NXPE2: variants seen among roughly 807,000 people sequenced by gnomAD.
The protein encoded by NXPE2 is neurexophilin and PC-esterase domain family member 2, also known as NXPE family member 2.
Under a neutral mutation model 34.4 loss-of-function variants are expected in NXPE2, and 34 were observed. The ratio of observed to expected loss-of-function variants is 0.99; its 90% CI spans 0.75 to 1.31. The LOEUF (loss-of-function observed/expected upper bound fraction) is 1.31. Among genes scored for constraint, NXPE2 ranks in the 40% most tolerant of loss-of-function variants. NXPE2 has a pLI of 0.00. For missense variants in NXPE2, 649 were observed against 672.5 expected (o/e 0.97, Z 0.39); for synonymous variants, 235 against 231.3 (o/e 1.02, Z -0.15).
the NXPE2 span, among the ~76,000 whole-genome samples, chr11:114,742,281 G>A: frequency 2.8e-4 from 42 of 152,180 alleles, 1 homozygote; most frequent in East Asian, 7.7e-3. Context: ...GTTGTTCTGC[G>A]GATAAAGCCT....
At chr11:114,651,041 T>C in the NXPE2 span, among the ~76,000 whole-genome samples, 4 of 151,952 alleles carry the variant, frequency 2.6e-5, no homozygotes, top group African/African-American at 9.7e-5. Flanking sequence ...TGTGGTACAT[T>C]GAAGGTAATA....
At chr11:114,654,264 G>A in the NXPE2 span, among the ~76,000 whole-genome samples, 1 of 151,792 alleles carries the variant, frequency 6.6e-6, no homozygotes, top group African/African-American at 2.4e-5. Flanking sequence ...ATGAAACAGA[G>A]CTGTGTTAAA....
the NXPE2 span, among the ~76,000 whole-genome samples, chr11:114,781,723 CT>C: frequency 6.6e-6 from 1 of 152,122 alleles, no homozygotes; most frequent in Non-Finnish European, 1.5e-5. Context: ...GTAGGGTGGT[CT>C]ATAAATAATG....
the NXPE2 span, among the ~76,000 whole-genome samples, chr11:114,613,375 G>T: frequency 6.6e-6 from 1 of 151,666 alleles, no homozygotes; most frequent in African/African-American, 2.4e-5. Flanking sequence ...GTTACCCTGT[G>T]GAAAATAAGT....
the NXPE2 span, among the ~76,000 whole-genome samples, chr11:114,738,470 T>G: frequency 6.6e-6 from 1 of 152,156 alleles, no homozygotes; most frequent in Non-Finnish European, 1.5e-5. Flanking sequence ...ATTCTTTCCT[T>G]GGGACCTAAA....
the NXPE2 span, among the ~76,000 whole-genome samples, chr11:114,573,784 A>G: frequency 2.0e-5 from 3 of 152,146 alleles, no homozygotes; most frequent in African/African-American, 7.2e-5. Flanking sequence ...CACTCCACTG[A>G]CAGCGCTAGA....
chr11:114,758,637 G>C, the NXPE2 span, among the ~76,000 whole-genome samples: 1 of 152,088 alleles, frequency 6.6e-6, no homozygotes, highest in African/African-American at 2.4e-5. Flanking sequence ...GCTAGAATCA[G>C]AGGAGAATCA....
chr11:114,556,704 T>C, the NXPE2 span, among the ~76,000 whole-genome samples: 16,780 of 152,040 alleles, frequency 0.11, 1,137 homozygotes, highest in Middle Eastern at 0.17. Flanking sequence ...AATGTATTTT[T>C]TTCCAGAGTT....
chr11:114,566,738 T>G, the NXPE2 span, among the ~76,000 whole-genome samples: 1 of 152,138 alleles, frequency 6.6e-6, no homozygotes, highest in African/African-American at 2.4e-5. Context: ...TATAGAATAT[T>G]TGCACACATA....
chr11:114,638,515 T>C, the NXPE2 span, among the ~76,000 whole-genome samples: 1 of 152,106 alleles, frequency 6.6e-6, no homozygotes, highest in African/African-American at 2.4e-5. Context: ...TGAGGAACTG[T>C]GTTCCTTTCG....
the NXPE2 span, among the ~76,000 whole-genome samples, chr11:114,481,883 A>G: frequency 6.6e-6 from 1 of 152,106 alleles, no homozygotes; most frequent in Admixed American, 6.6e-5. Context: ...CAACACCACT[A>G]TGTTTATACA....
At chr11:114,650,230 G>A in the NXPE2 span, among the ~76,000 whole-genome samples, 7 of 152,100 alleles carry the variant, frequency 4.6e-5, no homozygotes, top group Admixed American at 1.3e-4. Flanking sequence ...GTAGAGCACA[G>A]GAAAAAGAGG....
At chr11:114,658,772 C>G in the NXPE2 span, among the ~76,000 whole-genome samples, 13,428 of 152,198 alleles carry the variant, frequency 0.088, 740 homozygotes, top group Middle Eastern at 0.2. Flanking sequence ...AGGACAGGAT[C>G]ACTGAGAAGG....
chr11:114,768,986 G>A, the NXPE2 span, among the ~76,000 whole-genome samples: 1 of 152,126 alleles, frequency 6.6e-6, no homozygotes, highest in African/African-American at 2.4e-5. Context: ...AAGAGCTTCT[G>A]CATAGCAAAA....
At chr11:114,523,565 G>A in the NXPE2 span, among the ~76,000 whole-genome samples, 2 of 152,130 alleles carry the variant, frequency 1.3e-5, no homozygotes, top group Non-Finnish European at 2.9e-5. Context: ...ACCTCAAATA[G>A]TATAATAGTC....
the NXPE2 span, among the ~76,000 whole-genome samples, chr11:114,479,286 C>A: frequency 6.6e-6 from 1 of 151,952 alleles, no homozygotes; most frequent in African/African-American, 2.4e-5. Context: ...GGATTTGATT[C>A]GATTGATGGA....
the NXPE2 span, among the ~76,000 whole-genome samples, chr11:114,467,391 G>T: frequency 1.3e-5 from 2 of 152,192 alleles, no homozygotes; most frequent in Non-Finnish European, 2.9e-5. Context: ...GGAAGAAAAG[G>T]TCCGTTTTTA....
chr11:114,473,410 T>C, the NXPE2 span, among the ~76,000 whole-genome samples: 1 of 152,208 alleles, frequency 6.6e-6, no homozygotes, highest in Non-Finnish European at 1.5e-5. Context: ...ATTTCCTTAC[T>C]TCTAGTTCTC....
chr11:114,667,426 A>G, the NXPE2 span, among the ~76,000 whole-genome samples: 2 of 152,164 alleles, frequency 1.3e-5, no homozygotes, highest in Admixed American at 1.3e-4. Context: ...TTAATTAAAC[A>G]CGCAACACCA....
Sources: allele counts gnomAD v4.1 joint callset (sites outside exome capture counted in the v4.1 genomes callset), GRCh38; gene constraint gnomAD v4.1.1; transcripts MANE v1.5; gene names NCBI Gene and HGNC (gene_info 2026-07-23, HGNC 2026-07-21).